The following SELENOO variants were observed in gnomAD, a reference collection of about 807,000 sequenced individuals.
The protein encoded by SELENOO is protein adenylyltransferase SelO, mitochondrial.
A neutral mutation model predicts 58.7 loss-of-function variants in SELENOO; 74 were observed. The ratio of observed to expected loss-of-function variants is 1.26; its 90% CI spans 1.04 to 1.53. SELENOO has a LOEUF of 1.53. Ranked by LOEUF, SELENOO falls within the 40% of genes most tolerant of loss-of-function variation. The pLI is 0.00. For synonymous variants in SELENOO, 543 were observed against 453.2 expected, an observed-to-expected ratio of 1.20 and a Z score of -2.52; for missense variants, 1,149 against 970.0, an observed-to-expected ratio of 1.18 and a Z score of -2.45.
Position 50,201,143 on chromosome 22 carries a change from C to T in SELENOO, c.107C>T (p.Ala36Val). ...SPAPRSTLSGAAMEPAPRWLA... is the reference protein window; with the variant it reads ...SPAPRSTLSGVAMEPAPRWLA... Reference sequence around the variant, plus strand: ...GCGCCCCGCTCTACGTTGTCGGGCGCCGCCATGGAGCCCGCGCCTCGCTGG... The same window carrying T: ...GCGCCCCGCTCTACGTTGTCGGGCGTCGCCATGGAGCCCGCGCCTCGCTGG... The change falls in exon 1 of 9, where the codon GCC becomes GTC. Residue 36 changes from alanine (A) to valine (V), a missense_variant. Physicochemically the swap from Ala to Val is moderately conservative, Grantham distance 64 (BLOSUM62 0). Transcript: ENST00000380903. 1.5e-6 allele frequency: 2 copies of T among 1,293,864 alleles called. No individual in the cohort carries two copies. The highest frequency in any genetic ancestry group is 2.3e-5 in the South Asian group (1 of 43,244). 80.1% of individuals were successfully genotyped at this position (1,293,864 alleles called of 1,614,324 possible).
intron 3 of SELENOO, among the ~76,000 whole-genome samples, chr22:50,209,941 G>A (rs1265525946): frequency 1.3e-5 from 2 of 152,258 alleles, no homozygotes; most frequent in South Asian, 4.1e-4. Flanking sequence ...GATTTTTCTA[G>A]TTTGGGTAAA....
intron 5 of SELENOO, among the ~76,000 whole-genome samples, chr22:50,212,930 G>T: frequency 6.6e-6 from 1 of 151,868 alleles, no homozygotes; most frequent in Non-Finnish European, 1.5e-5. Flanking sequence ...CTCTAATCTT[G>T]GCTCTTCTTT....
At chr22:50,205,345 G>C (rs1348940083) in intron 1 of SELENOO, among the ~76,000 whole-genome samples, 1 of 152,244 alleles carries the variant, frequency 6.6e-6, no homozygotes, top group Non-Finnish European at 1.5e-5. Flanking sequence ...AGCACTTTTG[G>C]GAGGCCAAGG....
chr22:50,212,505 G>GCA (rs2064377416), intron 5 of SELENOO, among the ~76,000 whole-genome samples: 1 of 152,152 alleles, frequency 6.6e-6, no homozygotes, highest in African/African-American at 2.4e-5. Context: ...ATTGTGGAGG[G>GCA]CACCGCACAT....
chr22:50,203,950 T>A (rs772993487), intron 1 of SELENOO, among the ~76,000 whole-genome samples: 1 of 152,096 alleles, frequency 6.6e-6, no homozygotes. Flanking sequence ...ATCTGATAAG[T>A]AATTAAGATC....
At chr22:50,207,965 T>TG (rs2064343321) in intron 2 of SELENOO, among the ~76,000 whole-genome samples, 1 of 148,448 alleles carries the variant, frequency 6.7e-6, no homozygotes, top group African/African-American at 2.5e-5. Context: ...TCTACACCCA[T>TG]GGGCCTGCCC....
chr22:50,216,932 C>T, intron 7 of SELENOO, 40 bp from the exon 8 acceptor site: 10 of 1,603,172 alleles, frequency 6.2e-6, no homozygotes, highest in Non-Finnish European at 8.5e-6. Flanking sequence ...TGGAAAAAGT[C>T]CAGCCCGGCT....
chr22:50,215,660 C>T (rs1411754293), intron 5 of SELENOO, 57 bp from the exon 6 acceptor site: 1 of 1,461,062 alleles, frequency 6.8e-7, no homozygotes, highest in Non-Finnish European at 9.2e-7. Flanking sequence ...CTGTGTGGCA[C>T]CAGGACAGGG....
At position 50,210,665 on chromosome 22, in the gene SELENOO, A is replaced by G. The variant is rs2064363845; in HGVS notation, c.1105A>G (p.Asn369Asp). The change falls in exon 5 of 9, where the codon AAC becomes GAC. Residue 369 changes from asparagine (N) to aspartate (D), a missense_variant. Transcript: ENST00000380903. ...CGACCACGTGTGCAATGCCTCCGAC[A>G]ACACCGGCCGCTACGCGTACAGCAA... Reference protein sequence around the residue: ...DPDHVCNASDNTGRYAYSKQP... With the variant: ...DPDHVCNASDDTGRYAYSKQP... The G allele has an allele frequency of 5.0e-6, 8 of 1,612,900 alleles. No individual in the cohort carries two copies. Among genetic ancestry groups the G allele is most frequent in the Non-Finnish European group, 5.9e-6 (7 of 1,179,906 alleles).
intron 5 of SELENOO, among the ~76,000 whole-genome samples, chr22:50,212,221 T>C (rs1261485300): frequency 2.0e-5 from 3 of 152,232 alleles, no homozygotes; most frequent in Admixed American, 2.0e-4. Flanking sequence ...CATTTGTTCG[T>C]AAGAGTATTT....
Position 50,210,745 on chromosome 22 carries a change from G to T in SELENOO, c.1185G>T (p.Pro395=). 1 of 1,613,668 alleles carries T rather than the reference G, an allele frequency of 6.2e-7. No individual in the cohort carries two copies. Among genetic ancestry groups the T allele is most frequent in the South Asian group, 1.1e-5 (1 of 91,080 alleles). The change falls in exon 5 of 9, where the codon CCG becomes CCT. Residue 395 remains proline, a synonymous_variant. Transcript: ENST00000380903. ...NLRKLAEALQ[P]ELPLELGEAI... ...GGAAGCTGGCCGAGGCCCTGCAGCC[G>T]GAACTGCCCCTGGAGCTGGGGGAGG... is the stretch of plus-strand genomic sequence containing the variant.
chr22:50,207,941 G>A (rs561855913), intron 2 of SELENOO, among the ~76,000 whole-genome samples: 2 of 148,798 alleles, frequency 1.3e-5, no homozygotes, highest in South Asian at 2.3e-4. Flanking sequence ...GGGAGTGCAG[G>A]GGCCTTGGTG....
intron 1 of SELENOO, 93 bp from the exon 2 acceptor site, chr22:50,206,224 C>A: frequency 8.9e-7 from 1 of 1,118,438 alleles, no homozygotes; most frequent in Non-Finnish European, 1.3e-6. Flanking sequence ...GCTCACGTTA[C>A]ACGCGTTCCC....
At chr22:50,213,125 A>G (rs182096321) in intron 5 of SELENOO, among the ~76,000 whole-genome samples, 1 of 152,204 alleles carries the variant, frequency 6.6e-6, no homozygotes, top group East Asian at 1.9e-4. Context: ...CAGTGGCATG[A>G]TCTTGGCTCA....
At chr22:50,216,657 G>A (rs753141119) in intron 6 of SELENOO, 34 bp from the exon 7 acceptor site, 2 of 1,545,890 alleles carry the variant, frequency 1.3e-6, no homozygotes, top group East Asian at 4.8e-5. Context: ...ACACGGTCAG[G>A]GGCTACCTCC....
At chr22:50,210,544 C>A in intron 4 of SELENOO, 87 bp from the exon 5 acceptor site, 1 of 1,581,940 alleles carries the variant, frequency 6.3e-7, no homozygotes, top group East Asian at 2.2e-5. Context: ...TTGGGACCTT[C>A]CCCTGGGCCT....
intron 2 of SELENOO, among the ~76,000 whole-genome samples, chr22:50,207,524 C>T (rs1412648357): frequency 6.6e-6 from 1 of 151,814 alleles, no homozygotes; most frequent in Non-Finnish European, 1.5e-5. Flanking sequence ...CCCCGTCCTG[C>T]CCGGGACACC....
rs994351913 is a variant in SELENOO at position 50,206,032 on chromosome 22, T to G, written c.555-285T>G. The G allele has an allele frequency of 2.4e-5, 12 of 507,600 alleles. No homozygotes were observed. In the Admixed American group the frequency reaches 3.9e-4, roughly 17 times the overall value. The allele number at this position is 507,600 out of a possible 1,614,324, so 31.4% of individuals were successfully genotyped here. On this transcript the variant is annotated intron_variant, in intron 1 of 8. Transcript: ENST00000380903. The stretch of plus-strand genomic sequence containing the variant: ...ACTGTGCAGTCACACAGTCCTGGCT[T>G]CTGCTGCGGAACCCTCGTTCTGGGC...
chr22:50,204,395 G>A (rs888355564), intron 1 of SELENOO, among the ~76,000 whole-genome samples: 1 of 152,194 alleles, frequency 6.6e-6, no homozygotes, highest in African/African-American at 2.4e-5. Flanking sequence ...GGGAGGCTGA[G>A]GTGGGCGGAT....
Sources: gnomAD v4.1 joint callset for allele counts (sites outside exome capture counted in the v4.1 genomes callset) on GRCh38, gnomAD v4.1.1 for gene constraint, MANE v1.5 for transcripts, NCBI Gene and HGNC (gene_info 2026-07-23, HGNC 2026-07-21) for gene names.